METTL15: variants seen among roughly 807,000 people sequenced by gnomAD.
METTL15 encodes 12S rRNA N(4)-cytidine methyltransferase METTL15.
A neutral mutation model predicts 38.3 loss-of-function variants in METTL15; 34 were observed. The observed-to-expected ratio is 0.89, with a 90% CI of 0.68 to 1.18. METTL15 has a LOEUF of 1.18. Among genes scored for constraint, METTL15 ranks in the 50% most tolerant of loss-of-function variants. METTL15 has a pLI of 0.00. For synonymous variants in METTL15, 162 were observed against 170.9 expected (o/e 0.95, Z 0.41); for missense variants, 438 against 498.4 (o/e 0.88, Z 1.15).
chr11:28,266,371 A>T (rs1174496842), intron 4 of METTL15, among the ~76,000 whole-genome samples: 1 of 152,180 alleles, frequency 6.6e-6, no homozygotes, highest in Non-Finnish European at 1.5e-5. Flanking sequence ...ATGGAATACT[A>T]TGCAGCCATA....
intron 5 of METTL15, among the ~76,000 whole-genome samples, chr11:28,395,879 A>C (rs1850562848): frequency 6.6e-6 from 1 of 152,172 alleles, no homozygotes; most frequent in South Asian, 2.1e-4. Flanking sequence ...CCAGCAGCAC[A>C]TCAAAAAGCT....
At chr11:28,333,948 G>A (rs934220484), downstream of METTL15, among the ~76,000 whole-genome samples, 1 of 151,618 alleles carries the variant, frequency 6.6e-6, no homozygotes. Context: ...TAAAATTTTT[G>A]TTTCTAATTT....
downstream of METTL15, among the ~76,000 whole-genome samples, chr11:28,531,407 G>A (rs1253784673): frequency 6.6e-6 from 1 of 151,960 alleles, no homozygotes; most frequent in Non-Finnish European, 1.5e-5. Context: ...ACGTGCCTAG[G>A]TTTAGTATAT....
intron 4 of METTL15, among the ~76,000 whole-genome samples, chr11:28,271,713 T>G (rs1329307598): frequency 6.6e-6 from 1 of 151,944 alleles, no homozygotes; most frequent in Non-Finnish European, 1.5e-5. Flanking sequence ...AAGCCAAAAT[T>G]GAAAATTGGG....
intron 5 of METTL15, among the ~76,000 whole-genome samples, chr11:28,377,840 G>C (rs907832089): frequency 1.3e-5 from 2 of 151,368 alleles, no homozygotes; most frequent in Non-Finnish European, 3.0e-5. Flanking sequence ...TTTTGGTGTG[G>C]ATGTCCTTTC....
At chr11:28,381,093 A>C (rs1850378491) in intron 5 of METTL15, among the ~76,000 whole-genome samples, 1 of 152,058 alleles carries the variant, frequency 6.6e-6, no homozygotes, top group Non-Finnish European at 1.5e-5. Flanking sequence ...TAGGCTAAAG[A>C]AGTTAGCCTA....
At chr11:28,140,756 G>A (rs868481329) in intron 3 of METTL15, among the ~76,000 whole-genome samples, 1 of 152,188 alleles carries the variant, frequency 6.6e-6, no homozygotes, top group South Asian at 2.1e-4. Context: ...TTGAATACAA[G>A]GGCATTTTAC....
At chr11:28,156,484 CT>C (rs1367019914) in intron 3 of METTL15, among the ~76,000 whole-genome samples, 5 of 152,070 alleles carry the variant, frequency 3.3e-5, no homozygotes, top group African/African-American at 7.2e-5. Flanking sequence ...TCTCAGAAGC[CT>C]TTAAAAATGA....
At chr11:28,527,415 T>G (rs1851819669), downstream of METTL15, among the ~76,000 whole-genome samples, 1 of 152,214 alleles carries the variant, frequency 6.6e-6, no homozygotes, top group African/African-American at 2.4e-5. Context: ...TAATTTTATC[T>G]CACTTGACCA....
intron 6 of METTL15, among the ~76,000 whole-genome samples, chr11:28,473,693 G>A (rs1426906301): frequency 1.3e-5 from 2 of 152,084 alleles, no homozygotes; most frequent in Non-Finnish European, 1.5e-5. Context: ...TCCAAACTCC[G>A]CAGGAGATAA....
rs1028146497 is a variant in METTL15, at chr11:28,122,345, G to A, written c.270+8741G>A. On this transcript the variant is annotated intron_variant, in intron 3 of 6. Coordinates refer to ENST00000407364, the MANE Select transcript of METTL15 (RefSeq NM_001113528.2). ...TAGATGTGTGTATATGTGTGTGTGT[G>A]TGTGTGTGTGTGTGTGTGTGTGTGT... is the stretch of plus-strand genomic sequence containing the variant. Among the ~76,000 whole-genome samples, 69 of 91,066 alleles carry A rather than the reference G, an allele frequency of 7.6e-4. No individual in the cohort carries two copies. The East Asian group carries it at 0.012, about 16-fold the overall frequency. The allele number at this position is 91,066 out of a possible 152,430, so 59.7% of individuals were successfully genotyped here.
intron 4 of METTL15, among the ~76,000 whole-genome samples, chr11:28,268,089 T>G (rs1484519397): frequency 1.5e-4 from 21 of 139,576 alleles, no homozygotes; most frequent in Non-Finnish European, 3.0e-4. Context: ...CCCAGCTACT[T>G]GGGAGGCTGA....
intron 4 of METTL15, among the ~76,000 whole-genome samples, chr11:28,229,443 G>A (rs1853602507): frequency 6.6e-6 from 1 of 151,934 alleles, no homozygotes; most frequent in African/African-American, 2.4e-5. Context: ...GGCTATACCT[G>A]TGCAATGCTC....
chr11:28,211,022 T>C (rs1054223294), intron 3 of METTL15, 40 bp from the exon 4 acceptor site: 1 of 1,576,374 alleles, frequency 6.3e-7, no homozygotes, highest in Non-Finnish European at 8.6e-7. Flanking sequence ...ATAAGTTTTG[T>C]TTATGCTAAG....
chr11:28,121,966 CA>C (rs1294019066), intron 3 of METTL15, among the ~76,000 whole-genome samples: 7 of 151,840 alleles, frequency 4.6e-5, no homozygotes, highest in African/African-American at 1.7e-4. Context: ...TTTAGGGAGT[CA>C]AAGTAAATGC....
intron 3 of METTL15, chr11:28,125,715 A>G (rs1034969667): frequency 1.3e-5 from 2 of 152,098 alleles, no homozygotes. Context: ...TTGAGTTACG[A>G]TGATTGCGTA....
intron 6 of METTL15, among the ~76,000 whole-genome samples, chr11:28,469,267 C>T (rs1427989172): frequency 6.6e-6 from 1 of 151,964 alleles, no homozygotes; most frequent in Non-Finnish European, 1.5e-5. Context: ...CCTTTTTCCC[C>T]CCAGTTATGA....
At chr11:28,528,553 G>A (rs957033251), downstream of METTL15, among the ~76,000 whole-genome samples, 2 of 152,180 alleles carry the variant, frequency 1.3e-5, no homozygotes, top group Non-Finnish European at 2.9e-5. Flanking sequence ...GGCCAATTTT[G>A]CTTTTGGTCT....
At chr11:28,397,937 G>A (rs1045600694) in intron 5 of METTL15, among the ~76,000 whole-genome samples, 47 of 152,012 alleles carry the variant, frequency 3.1e-4, no homozygotes, top group South Asian at 1.7e-3. Flanking sequence ...TGTCCTTTGT[G>A]GGGACATGGA....
Sources: gnomAD v4.1 joint callset for allele counts (sites outside exome capture counted in the v4.1 genomes callset) on GRCh38, gnomAD v4.1.1 for gene constraint, MANE v1.5 for transcripts, NCBI Gene and HGNC (gene_info 2026-07-23, HGNC 2026-07-21) for gene names.